Variants in MOBP observed in about 807,000 individuals in gnomAD.
MOBP encodes myelin-associated oligodendrocyte basic protein.
A neutral mutation model predicts 15.0 loss-of-function variants in MOBP; 5 were observed. That is an observed-to-expected ratio of 0.33 (90% CI 0.17 to 0.70). The LOEUF (loss-of-function observed/expected upper bound fraction) is 0.70, where lower values mean the gene tolerates loss of function less well. MOBP is among the 30% of genes least tolerant of loss of function. The pLI is 0.67. For synonymous variants in MOBP, 88 were observed against 99.0 expected, an observed-to-expected ratio of 0.89 and a Z score of 0.66; for missense variants, 188 against 257.8, an observed-to-expected ratio of 0.73 and a Z score of 1.85.
rs1491162839 is a variant in MOBP at position 39,468,959 on chromosome 3, CAT to C, written c.-89+1222_-89+1223del. Among the ~76,000 whole-genome samples, 12 of 97,254 alleles carry C rather than the reference CAT, an allele frequency of 1.2e-4. 2 individuals carry two copies. Among genetic ancestry groups the C allele is most frequent in the African/African-American group, 1.3e-4 (2 of 15,650 alleles). The allele number at this position is 97,254 out of a possible 152,430, so 63.8% of individuals were successfully genotyped here. A position where few individuals can be genotyped will look rare whatever the true frequency, so the allele number is the denominator to read the frequency against. On this transcript the variant is annotated intron_variant, in intron 1 of 3. Transcript: ENST00000684792. ...CATTGTGTGTATATATACATATATA[CAT>C]ATGTGTGTGTATATATACATATATA...
intron 2 of MOBP, among the ~76,000 whole-genome samples, chr3:39,480,695 A>C (rs1370036930): frequency 5.3e-5 from 8 of 152,170 alleles, no homozygotes; most frequent in Non-Finnish European, 1.0e-4. Context: ...CCGGGCCTCC[A>C]AGTCACATCT....
intron 2 of MOBP, among the ~76,000 whole-genome samples, chr3:39,493,159 G>A (rs2042825637): frequency 6.6e-6 from 1 of 152,180 alleles, no homozygotes; most frequent in Non-Finnish European, 1.5e-5. Context: ...AAGAAAGGAG[G>A]AAGGGTGGGA....
chr3:39,500,821 A>G (rs2125654602), intron 2 of MOBP, among the ~76,000 whole-genome samples: 1 of 152,344 alleles, frequency 6.6e-6, no homozygotes, highest in Non-Finnish European at 1.5e-5. Context: ...GAATGGGGAA[A>G]ACTTTCTGGG....
At chr3:39,481,616 G>A (rs62243407) in intron 2 of MOBP, among the ~76,000 whole-genome samples, 408 of 152,218 alleles carry the variant, frequency 2.7e-3, no homozygotes, top group Non-Finnish European at 4.4e-3. Context: ...TGCAAACCAC[G>A]TGATTCTCTA....
chr3:39,472,310 A>G lies in MOBP; in HGVS notation c.-89+4570A>G, dbSNP rs569768941. 4.2e-4 allele frequency among the ~76,000 whole-genome samples: 64 copies of G among 152,294 alleles called. No homozygotes were observed. The South Asian group carries it at 0.012, about 30-fold the overall frequency. On this transcript the variant is annotated intron_variant, in intron 1 of 3. Transcript: ENST00000684792. ...TAAATGCAGGGCAGTTGGTTAACCT[A>G]TTGTATGATCTTTGTAGTACAGTGA...
chr3:39,480,911 CT>C (rs2042619605), intron 2 of MOBP, among the ~76,000 whole-genome samples: 3 of 152,222 alleles, frequency 2.0e-5, no homozygotes, highest in African/African-American at 7.2e-5. Flanking sequence ...TCACAACTTC[CT>C]TTCTTTTCAT....
intron 2 of MOBP, among the ~76,000 whole-genome samples, chr3:39,495,750 C>CAAAA: frequency 1.7e-5 from 1 of 60,180 alleles, no homozygotes; most frequent in East Asian, 5.4e-4. Context: ...GAGACCTTGT[C>CAAAA]AAAAAAAAAA....
chr3:39,499,982 A>C (rs2042946057), intron 2 of MOBP: 1 of 455,232 alleles, frequency 2.2e-6, no homozygotes, highest in South Asian at 1.6e-5. Flanking sequence ...TTTTCATGCC[A>C]TTGCACCAGC....
downstream of MOBP, among the ~76,000 whole-genome samples, chr3:39,503,956 T>G (rs1171332874): frequency 6.6e-6 from 1 of 152,124 alleles, no homozygotes; most frequent in African/African-American, 2.4e-5. Flanking sequence ...GCCTTTTTAG[T>G]AAGCATTCAC....
chr3:39,523,268 G>A (rs1194307374), intron 3 of MOBP, among the ~76,000 whole-genome samples: 1 of 152,196 alleles, frequency 6.6e-6, no homozygotes, highest in Non-Finnish European at 1.5e-5. Flanking sequence ...ATTATCTACA[G>A]TTAATATTTA....
intron 1 of MOBP, among the ~76,000 whole-genome samples, chr3:39,479,303 T>G (rs2042591526): frequency 6.6e-6 from 1 of 152,048 alleles, no homozygotes; most frequent in African/African-American, 2.4e-5. Flanking sequence ...ATTACTAGAA[T>G]AAAAATGATC....
chr3:39,499,086 G>C (rs927934041), intron 2 of MOBP, among the ~76,000 whole-genome samples: 5 of 152,182 alleles, frequency 3.3e-5, no homozygotes, highest in Admixed American at 3.3e-4. Flanking sequence ...ACCCTAGAAG[G>C]CCAGAGGAAT....
intron 4 of MOBP, among the ~76,000 whole-genome samples, chr3:39,509,060 A>G (rs1036748250): frequency 6.9e-6 from 1 of 145,762 alleles, no homozygotes. Flanking sequence ...ATATGTATAT[A>G]CATACGTGCA....
intron 4 of MOBP, among the ~76,000 whole-genome samples, chr3:39,512,934 C>CA (rs2125668891): frequency 6.6e-6 from 1 of 152,314 alleles, no homozygotes; most frequent in South Asian, 2.1e-4. Context: ...CCTTCTTGAA[C>CA]ACGATTTGTT....
rs1010480888 is a variant in MOBP at position 39,471,871 on chromosome 3, G to C, written c.-89+4131G>C. On this transcript the variant is annotated intron_variant, in intron 1 of 3. Coordinates refer to ENST00000684792, the MANE Select transcript of MOBP (RefSeq NM_001393704.1). ...ACAGGTGTGTGGAGGCATTGACTCA[G>C]CTACCAGATCCACCACCTCTGCAAG... Among the ~76,000 whole-genome samples the C allele has an allele frequency of 6.6e-5, 10 of 152,372 alleles. No homozygotes were observed. In the East Asian group the frequency reaches 1.9e-3, roughly 29 times the overall value.
chr3:39,468,466 C>T (rs2042374833), intron 1 of MOBP, among the ~76,000 whole-genome samples: 1 of 152,090 alleles, frequency 6.6e-6, no homozygotes, highest in African/African-American at 2.4e-5. Context: ...CAGGCTGCTG[C>T]CAGGTGTGCG....
downstream of MOBP, among the ~76,000 whole-genome samples, chr3:39,520,153 A>C (rs1396602414): frequency 6.6e-6 from 1 of 151,984 alleles, no homozygotes. Flanking sequence ...GCTCTGACTT[A>C]TGCAGTTTCC....
chr3:39,523,083 A>G (rs1227502899), intron 3 of MOBP, among the ~76,000 whole-genome samples: 1 of 152,236 alleles, frequency 6.6e-6, no homozygotes, highest in Non-Finnish European at 1.5e-5. Flanking sequence ...CAGATCTTCC[A>G]CAAGAACCCT....
chr3:39,505,650 G>C (rs2043038456), downstream of MOBP, among the ~76,000 whole-genome samples: 1 of 152,226 alleles, frequency 6.6e-6, no homozygotes, highest in African/African-American at 2.4e-5. Flanking sequence ...CCTGGGAGCT[G>C]TGTGTTGTTT....
Sources: gnomAD v4.1 joint callset for allele counts (sites outside exome capture counted in the v4.1 genomes callset) on GRCh38, gnomAD v4.1.1 for gene constraint, MANE v1.5 for transcripts, NCBI Gene and HGNC (gene_info 2026-07-23, HGNC 2026-07-21) for gene names.